The following ZDHHC15 variants were observed in gnomAD, a reference collection of about 807,000 sequenced individuals.
The protein encoded by ZDHHC15 is zDHHC palmitoyltransferase 15, also known as palmitoyltransferase ZDHHC15.
Under a neutral mutation model 31.7 loss-of-function variants are expected in ZDHHC15, and 19 were observed. The ratio of observed to expected loss-of-function variants is 0.60; its 90% CI spans 0.42 to 0.88. ZDHHC15 has a LOEUF of 0.88. Among genes scored for constraint, ZDHHC15 ranks in the 40% least tolerant of loss-of-function variants. The pLI is 0.00. For synonymous variants in ZDHHC15, 103 were observed against 90.0 expected (o/e 1.14, Z -0.82); for missense variants, 209 against 251.2 (o/e 0.83, Z 1.14).
chrX:75,449,941 G>A (rs1284884389), intron 4 of ZDHHC15, among the ~76,000 whole-genome samples: 1 of 111,524 alleles, frequency 9.0e-6, no homozygotes, highest in African/African-American at 3.2e-5. Context: ...ATTCTGTATT[G>A]GATATTTACT....
At chrX:75,421,404 T>TA (rs1404333060) in intron 9 of ZDHHC15, among the ~76,000 whole-genome samples, 99 of 12,194 alleles carry the variant, frequency 8.1e-3, no homozygotes, top group Non-Finnish European at 0.014. Context: ...ATATATTATA[T>TA]ATATATAATA....
chrX:75,442,540 C>T (rs960608992), intron 4 of ZDHHC15, among the ~76,000 whole-genome samples: 1 of 111,429 alleles, frequency 9.0e-6, no homozygotes, highest in African/African-American at 3.3e-5. Flanking sequence ...GAGTGAACTC[C>T]CATTCACAGT....
Position 75,513,393 on chromosome X carries a change from T to C in ZDHHC15, c.137-7546A>G, listed in dbSNP as rs2085306514. 2.7e-5 allele frequency among the ~76,000 whole-genome samples: 3 copies of C among 111,849 alleles called. No individual in the cohort carries two copies. In the South Asian group the frequency reaches 1.1e-3, roughly 41 times the overall value. On this transcript the variant is annotated intron_variant, in intron 1 of 11. Coordinates refer to ENST00000373367, the MANE Select transcript of ZDHHC15 (RefSeq NM_144969.3). ...GCAACTAATGAGCTGGCAAAAACTG[T>C]CAGAATAAACTTTTGCAGAACTCTG...
intron 3 of ZDHHC15, among the ~76,000 whole-genome samples, chrX:75,461,718 A>G (rs2084317937): frequency 8.9e-6 from 1 of 112,104 alleles, no homozygotes; most frequent in South Asian, 3.7e-4. Context: ...TCCTTTTCAG[A>G]CAAGAAAATA....
At chrX:75,516,870 G>T (rs1292117272) in intron 1 of ZDHHC15, among the ~76,000 whole-genome samples, 3 of 111,519 alleles carry the variant, frequency 2.7e-5, no homozygotes, top group African/African-American at 9.8e-5. Flanking sequence ...AATCTACAAA[G>T]AACTCAAACA....
chrX:75,450,841 C>A lies in ZDHHC15; in HGVS notation c.340G>T (p.Ala114Ser). Reference sequence around the variant, plus strand: ...CTTGTGTAAACCGGTAGCTTTTTGGCCATATCAACAAGCATCTGCTTCTGG... The same window carrying A: ...CTTGTGTAAACCGGTAGCTTTTTGGACATATCAACAAGCATCTGCTTCTGG... ...EVQKQMLVDM[A>S]KKLPVYTRTG... Residue 114 changes from alanine to serine, a missense_variant, in exon 4 of 12, where the codon GCC becomes TCC. Ala to Ser is a moderately conservative substitution (Grantham distance 99). Transcript: ENST00000373367. 8.3e-7 allele frequency: 1 copy of A among 1,210,789 alleles called. No homozygotes were observed.
At chrX:75,425,946 G>A (rs1239076080) in intron 7 of ZDHHC15, among the ~76,000 whole-genome samples, 6 of 111,449 alleles carry the variant, frequency 5.4e-5, no homozygotes, top group African/African-American at 2.0e-4. Flanking sequence ...GTCAGATGCT[G>A]TCAGCTGAGT....
intron 1 of ZDHHC15, among the ~76,000 whole-genome samples, chrX:75,514,801 T>A (rs965738204): frequency 4.5e-5 from 5 of 111,011 alleles, no homozygotes; most frequent in Middle Eastern, 9.2e-3. Context: ...AGTACAGCAG[T>A]CCGAGATAGA....
At chrX:75,495,161 C>A (rs1258404827) in intron 2 of ZDHHC15, among the ~76,000 whole-genome samples, 1 of 111,904 alleles carries the variant, frequency 8.9e-6, no homozygotes, top group Non-Finnish European at 1.9e-5. Flanking sequence ...ATTTATGCAG[C>A]CAAAAGACAC....
Position 75,372,603 on chromosome X carries a change from T to A in ZDHHC15, c.*375A>T, listed in dbSNP as rs1436155595. 9.0e-6 allele frequency: 1 copy of A among 111,519 alleles called. No individual in the cohort carries two copies. The highest frequency in any genetic ancestry group is 9.6e-5 in the Admixed American group (1 of 10,459). The allele number at this position is 111,519 out of a possible 1,213,427, so 9.2% of individuals were successfully genotyped here. ...AAGGCCCTATATATGTGATTAATAATCTTTGTGGGGGAATTAAAGACTCTA... is the reference window on the plus strand; with the variant it reads ...AAGGCCCTATATATGTGATTAATAAACTTTGTGGGGGAATTAAAGACTCTA... On this transcript the variant is annotated 3_prime_UTR_variant, in exon 12 of 12. Transcript: ENST00000373367.
intron 10 of ZDHHC15, among the ~76,000 whole-genome samples, chrX:75,390,161 T>A (rs775013135): frequency 1.3e-4 from 15 of 111,732 alleles, no homozygotes; most frequent in Non-Finnish European, 2.8e-4. Flanking sequence ...GAAAAGGACT[T>A]TGTCTTCTGG....
chrX:75,373,171 C>T (rs1274842611), intron 11 of ZDHHC15, among the ~76,000 whole-genome samples: 1 of 111,842 alleles, frequency 8.9e-6, no homozygotes, highest in Non-Finnish European at 1.9e-5. Context: ...AGGAAATACA[C>T]TGAACTATTG....
intron 3 of ZDHHC15, among the ~76,000 whole-genome samples, chrX:75,476,550 A>C (rs1046317031): frequency 9.9e-5 from 11 of 110,981 alleles, no homozygotes; most frequent in Non-Finnish European, 2.1e-4. Context: ...TGGTAGTTAC[A>C]TCTCCACTTT....
At chrX:75,502,928 T>A (rs1375239998) in intron 2 of ZDHHC15, among the ~76,000 whole-genome samples, 1 of 111,046 alleles carries the variant, frequency 9.0e-6, no homozygotes, top group Admixed American at 9.7e-5. Context: ...TAGTATTTGA[T>A]GGCACAACAG....
chrX:75,378,143 T>C (rs1040966355), intron 11 of ZDHHC15, among the ~76,000 whole-genome samples: 2 of 111,678 alleles, frequency 1.8e-5, no homozygotes, highest in Non-Finnish European at 3.8e-5. Context: ...TGTAGTGCCA[T>C]GGTGGAAATA....
intron 10 of ZDHHC15, among the ~76,000 whole-genome samples, chrX:75,412,485 G>T (rs1233032928): frequency 9.1e-6 from 1 of 109,776 alleles, no homozygotes; most frequent in Non-Finnish European, 1.9e-5. Flanking sequence ...AGGCTGAAGT[G>T]CAGTGGCGAG....
chrX:75,503,006 A>G (rs2085109784), intron 2 of ZDHHC15, among the ~76,000 whole-genome samples: 2 of 110,831 alleles, frequency 1.8e-5, no homozygotes, highest in South Asian at 7.5e-4. Flanking sequence ...AATATTTATA[A>G]TACAGAGAAA....
At chrX:75,377,002 A>T (rs546277942) in intron 11 of ZDHHC15, among the ~76,000 whole-genome samples, 1 of 111,489 alleles carries the variant, frequency 9.0e-6, no homozygotes, top group South Asian at 3.8e-4. Context: ...AGGGAAATAT[A>T]TATTAAATAT....
intron 6 of ZDHHC15, 116 bp from the exon 7 acceptor site, chrX:75,429,314 G>A: frequency 1.1e-6 from 1 of 898,220 alleles, no homozygotes; most frequent in Non-Finnish European, 1.5e-6. Flanking sequence ...TATGTGTCGT[G>A]TAAAAGCCCA....
Sources: gnomAD v4.1 joint callset for allele counts (sites outside exome capture counted in the v4.1 genomes callset) on GRCh38, gnomAD v4.1.1 for gene constraint, MANE v1.5 for transcripts, NCBI Gene and HGNC (gene_info 2026-07-23, HGNC 2026-07-21) for gene names.